THRB: variants seen among roughly 807,000 people sequenced by gnomAD.
THRB encodes nuclear receptor subfamily 1 group A member 2.
THRB carries 12 observed loss-of-function variants against 47.8 expected under a neutral mutation model. That is an observed-to-expected ratio of 0.25 (90% CI 0.16 to 0.41). The LOEUF is 0.41. THRB is among the 10% of genes least tolerant of loss of function. The pLI is 1.00. For synonymous variants in THRB, 218 were observed against 212.2 expected (o/e 1.03, Z -0.24); for missense variants, 348 against 589.2 (o/e 0.59, Z 4.24).
chr3:24,284,273 G>A (rs888693416), intron 3 of THRB, among the ~76,000 whole-genome samples: 103 of 151,802 alleles, frequency 6.8e-4, no homozygotes, highest in Non-Finnish European at 1.2e-3. Context: ...CAGAAATAAC[G>A]CCACATATCT....
At chr3:24,430,307 G>A (rs2070242178) in intron 1 of THRB, 1 of 152,100 alleles carries the variant, frequency 6.6e-6, no homozygotes, top group Non-Finnish European at 1.5e-5. Context: ...CCATGACATA[G>A]ACCAAAAGCA....
At chr3:24,245,769 C>T (rs767445508) in intron 3 of THRB, among the ~76,000 whole-genome samples, 11 of 151,994 alleles carry the variant, frequency 7.2e-5, no homozygotes, top group Non-Finnish European at 1.2e-4. Flanking sequence ...AAAAATTAGC[C>T]GGGTGTGGTG....
chr3:24,287,245 A>C (rs1022711647), intron 3 of THRB, among the ~76,000 whole-genome samples: 1 of 152,164 alleles, frequency 6.6e-6, no homozygotes, highest in African/African-American at 2.4e-5. Flanking sequence ...TCCTTTAAGC[A>C]GATCTGAGAC....
intron 5 of THRB, among the ~76,000 whole-genome samples, chr3:24,154,551 C>G (rs2037507451): frequency 6.6e-6 from 1 of 152,068 alleles, no homozygotes; most frequent in African/African-American, 2.4e-5. Context: ...AAATCAAAAC[C>G]ACAATGAGAT....
intron 1 of THRB, among the ~76,000 whole-genome samples, chr3:24,478,218 G>A (rs1695783440): frequency 6.6e-6 from 1 of 152,082 alleles, no homozygotes; most frequent in African/African-American, 2.4e-5. Context: ...AGATTTTGGA[G>A]TATGCATATA....
intron 3 of THRB, among the ~76,000 whole-genome samples, chr3:24,262,330 C>A (rs1022465454): frequency 6.6e-6 from 1 of 152,208 alleles, no homozygotes; most frequent in Non-Finnish European, 1.5e-5. Flanking sequence ...ACATTTTATT[C>A]TCAACATAGC....
intron 3 of THRB, among the ~76,000 whole-genome samples, chr3:24,282,930 G>C (rs2054784539): frequency 6.6e-6 from 1 of 152,006 alleles, no homozygotes; most frequent in Non-Finnish European, 1.5e-5. Flanking sequence ...ATCTGAAATT[G>C]TGGCAATAAT....
At position 24,330,237 on chromosome 3, in the gene THRB, G is replaced by A. The variant is rs964500958; in HGVS notation, c.-189+7063C>T. Among the ~76,000 whole-genome samples, 11 of 152,274 alleles carry A rather than the reference G, an allele frequency of 7.2e-5. No individual in the cohort carries two copies. In the South Asian group the frequency reaches 2.3e-3, roughly 32 times the overall value. ...CAGGAGAATGGCGTGAACCCGGGAA[G>A]CGGAGCTTGCAGTGAGCCGAGATTG... On this transcript the variant is annotated intron_variant, in intron 2 of 10. Transcript: ENST00000646209.
intron 1 of THRB, among the ~76,000 whole-genome samples, chr3:24,364,520 T>A (rs1225580552): frequency 6.6e-6 from 1 of 152,182 alleles, no homozygotes; most frequent in Non-Finnish European, 1.5e-5. Flanking sequence ...ATCCCCATTT[T>A]ACAGATGAGA....
intron 3 of THRB, among the ~76,000 whole-genome samples, chr3:24,274,324 T>A (rs2053672813): frequency 6.6e-6 from 1 of 152,166 alleles, no homozygotes; most frequent in Non-Finnish European, 1.5e-5. Context: ...GGACTTAAAT[T>A]ATAGAACGTT....
At chr3:24,399,626 G>A (rs953242307) in intron 1 of THRB, among the ~76,000 whole-genome samples, 1 of 152,048 alleles carries the variant, frequency 6.6e-6, no homozygotes, top group Non-Finnish European at 1.5e-5. Flanking sequence ...ACCCTCATAC[G>A]ATCTTCTAGC....
At chr3:24,488,252 A>C (rs928434270) in intron 1 of THRB, among the ~76,000 whole-genome samples, 1 of 152,208 alleles carries the variant, frequency 6.6e-6, no homozygotes, top group African/African-American at 2.4e-5. Context: ...AAGAGAAGCC[A>C]TGACTCCCTG....
At chr3:24,416,678 C>A (rs899340768) in intron 1 of THRB, among the ~76,000 whole-genome samples, 1 of 151,836 alleles carries the variant, frequency 6.6e-6, no homozygotes, top group African/African-American at 2.4e-5. Context: ...CCTGAATGAA[C>A]CTTTCAGGCT....
intron 5 of THRB, among the ~76,000 whole-genome samples, chr3:24,153,348 T>TAATA (rs774073120): frequency 3.4e-4 from 52 of 152,292 alleles, no homozygotes; most frequent in Admixed American, 2.2e-3. Context: ...CCCTCCAGTG[T>TAATA]AATATGCTGG....
intron 4 of THRB, among the ~76,000 whole-genome samples, chr3:24,224,190 C>T (rs939155459): frequency 3.9e-5 from 6 of 152,014 alleles, no homozygotes; most frequent in South Asian, 2.1e-4. Context: ...GGGAAATTAT[C>T]GGAAAGATGC....
chr3:24,270,858 A>G (rs1239037086), intron 3 of THRB, among the ~76,000 whole-genome samples: 1 of 152,190 alleles, frequency 6.6e-6, no homozygotes, highest in Non-Finnish European at 1.5e-5. Flanking sequence ...AATTAAAAAG[A>G]ATTGAGTTTT....
intron 1 of THRB, among the ~76,000 whole-genome samples, chr3:24,398,470 T>A (rs1371180739): frequency 1.3e-5 from 2 of 152,102 alleles, no homozygotes; most frequent in East Asian, 1.9e-4. Context: ...AACAGACACA[T>A]GAAAAAATGC....
chr3:24,135,846 T>TATATATATAA (rs1231598841), intron 8 of THRB, among the ~76,000 whole-genome samples: 122 of 121,168 alleles, frequency 1.0e-3, no homozygotes, highest in Middle Eastern at 4.2e-3. Context: ...TATATATATA[T>TATATATATAA]AATACATAAA....
intron 1 of THRB, among the ~76,000 whole-genome samples, chr3:24,449,087 A>G (rs1351846885): frequency 2.6e-5 from 4 of 152,222 alleles, no homozygotes; most frequent in Admixed American, 2.6e-4. Flanking sequence ...GTGGCTAGTT[A>G]GAGGGTGATT....
Sources: allele counts gnomAD v4.1 joint callset (sites outside exome capture counted in the v4.1 genomes callset), GRCh38; gene constraint gnomAD v4.1.1; transcripts MANE v1.5; gene names NCBI Gene and HGNC (gene_info 2026-07-23, HGNC 2026-07-21).